Variants in ADAMTSL1 observed in about 807,000 individuals in gnomAD.
The protein encoded by ADAMTSL1 is ADAMTS like 1, also known as ADAMTS-like protein 1.
A neutral mutation model predicts 201.8 loss-of-function variants in ADAMTSL1; 126 were observed. That is an observed-to-expected ratio of 0.62 (90% CI 0.54 to 0.72). ADAMTSL1 has a LOEUF of 0.72. ADAMTSL1 is among the 30% of genes least tolerant of loss of function. The probability of loss-of-function intolerance (pLI) is 0.00; values close to 1 mark genes in which losing one functional copy is unlikely to be tolerated. For synonymous variants in ADAMTSL1, 1,121 were observed against 903.4 expected (o/e 1.24, Z -4.32); for missense variants, 2,679 against 2,277.8 (o/e 1.18, Z -3.59).
intron 1 of ADAMTSL1, among the ~76,000 whole-genome samples, chr9:17,940,477 A>G (rs954337858): frequency 8.6e-5 from 13 of 152,028 alleles, no homozygotes; most frequent in Admixed American, 5.9e-4. Context: ...TGGCAGTACA[A>G]TGTACTGAGA....
At chr9:18,289,678 G>A (rs139030187) in intron 2 of ADAMTSL1, among the ~76,000 whole-genome samples, 2 of 152,186 alleles carry the variant, frequency 1.3e-5, no homozygotes, top group African/African-American at 2.4e-5. Flanking sequence ...ATCATGTTGA[G>A]GAGGAAAGGA....
chr9:18,018,224 T>C (rs1350283444), intron 1 of ADAMTSL1, among the ~76,000 whole-genome samples: 1 of 152,124 alleles, frequency 6.6e-6, no homozygotes, highest in African/African-American at 2.4e-5. Flanking sequence ...TGATAGTACT[T>C]ATATTAATAA....
At chr9:18,008,507 G>GT (rs1475501715) in intron 1 of ADAMTSL1, among the ~76,000 whole-genome samples, 1 of 151,840 alleles carries the variant, frequency 6.6e-6, no homozygotes, top group Non-Finnish European at 1.5e-5. Context: ...TTATTCCATG[G>GT]TATCAACAAT....
intron 1 of ADAMTSL1, among the ~76,000 whole-genome samples, chr9:18,150,534 A>T (rs1036457771): frequency 2.6e-5 from 4 of 152,024 alleles, no homozygotes; most frequent in Admixed American, 6.6e-5. Flanking sequence ...TATAGTGAAG[A>T]CTTCTTTCTA....
At chr9:18,368,935 G>A (rs1836910848) in intron 2 of ADAMTSL1, among the ~76,000 whole-genome samples, 1 of 152,146 alleles carries the variant, frequency 6.6e-6, no homozygotes, top group African/African-American at 2.4e-5. Flanking sequence ...AAACTGATAT[G>A]TGTTCTTTAT....
chr9:18,285,146 T>C lies in ADAMTSL1; in HGVS notation c.207+121165T>C, dbSNP rs554852762. On this transcript the variant is annotated intron_variant, in intron 2 of 29. Coordinates refer to the ADAMTSL1 transcript ENST00000680146. ...CTAGCTAAATTGTCCTACCAAAAAA[T>C]AAATATATTCAAACTCTCAAAGGCA... is the stretch of plus-strand genomic sequence containing the variant. Among the ~76,000 whole-genome samples the C allele has an allele frequency of 1.6e-4, 25 of 152,248 alleles. No homozygotes were observed. The South Asian group carries it at 5.2e-3, about 32-fold the overall frequency.
intron 2 of ADAMTSL1, among the ~76,000 whole-genome samples, chr9:18,513,361 T>G (rs1818155285): frequency 6.6e-6 from 1 of 152,206 alleles, no homozygotes. Context: ...TTCTATGTAC[T>G]TGATTAGTCT....
intron 2 of ADAMTSL1, among the ~76,000 whole-genome samples, chr9:18,192,578 C>T: frequency 6.6e-6 from 1 of 152,130 alleles, no homozygotes; most frequent in East Asian, 1.9e-4. Flanking sequence ...CTACAGTATT[C>T]TCCAGTGTTT....
intron 8 of ADAMTSL1, 62 bp from the exon 9 acceptor site, chr9:18,661,873 A>G: frequency 1.3e-6 from 2 of 1,529,916 alleles, no homozygotes; most frequent in Non-Finnish European, 1.8e-6. Context: ...GCCAAAATGC[A>G]TAAAGAAATA....
At chr9:18,467,698 A>G (rs530174901) in intron 2 of ADAMTSL1, among the ~76,000 whole-genome samples, 1 of 152,350 alleles carries the variant, frequency 6.6e-6, no homozygotes, top group South Asian at 2.1e-4. Context: ...CCTTCCATGC[A>G]GAAGGGACAG....
chr9:18,476,788 G>A (rs915112587), intron 1 of ADAMTSL1, among the ~76,000 whole-genome samples: 2 of 151,884 alleles, frequency 1.3e-5, no homozygotes, highest in African/African-American at 4.8e-5. Context: ...TGTCTATTTT[G>A]TGGCAAGCCC....
At chr9:18,873,749 T>C (rs1231728560) in intron 23 of ADAMTSL1, among the ~76,000 whole-genome samples, 11 of 152,240 alleles carry the variant, frequency 7.2e-5, no homozygotes, top group Admixed American at 7.2e-4. Flanking sequence ...AGATTTGTTC[T>C]TTTTGCTTAG....
Position 18,087,619 on chromosome 9 carries a change from G to C in ADAMTSL1, c.88-76243G>C, listed in dbSNP as rs570008452. ...TTTAAAGTTTTCTATTAGTAGACAT[G>C]TTTGAGTATAGGATATAGAAAGTTG... On this transcript the variant is annotated intron_variant, in intron 1 of 29. Coordinates refer to the ADAMTSL1 transcript ENST00000680146. Among the ~76,000 whole-genome samples, 76 of 152,228 alleles carry C rather than the reference G, an allele frequency of 5.0e-4. 1 individual carries two copies. The South Asian group carries it at 0.015, about 30-fold the overall frequency.
At chr9:18,743,015 A>G (rs1000309444) in intron 15 of ADAMTSL1, among the ~76,000 whole-genome samples, 5 of 152,180 alleles carry the variant, frequency 3.3e-5, no homozygotes, top group African/African-American at 1.2e-4. Flanking sequence ...TTGGAGTAAA[A>G]ATAACTTTGC....
chr9:18,389,359 C>G (rs553728191), intron 2 of ADAMTSL1, among the ~76,000 whole-genome samples: 9 of 152,212 alleles, frequency 5.9e-5, no homozygotes, highest in South Asian at 2.1e-4. Flanking sequence ...CAATGTCATT[C>G]CAGTCACCAA....
intron 6 of ADAMTSL1, among the ~76,000 whole-genome samples, chr9:18,636,510 T>G (rs1827123008): frequency 2.0e-5 from 3 of 152,164 alleles, no homozygotes; most frequent in Admixed American, 6.6e-5. Context: ...CATGGTGTAA[T>G]TAAGCATCCC....
At chr9:18,738,290 A>T (rs968704501) in intron 15 of ADAMTSL1, among the ~76,000 whole-genome samples, 1 of 152,180 alleles carries the variant, frequency 6.6e-6, no homozygotes, top group African/African-American at 2.4e-5. Flanking sequence ...TGAGTATGAT[A>T]ATGCAGTTAC....
chr9:18,394,645 A>C (rs1168807003), intron 2 of ADAMTSL1, among the ~76,000 whole-genome samples: 1 of 152,080 alleles, frequency 6.6e-6, no homozygotes, highest in Non-Finnish European at 1.5e-5. Flanking sequence ...TGTAGATAAA[A>C]GAAAGTTGAT....
chr9:18,833,526 T>G (rs556835672), intron 23 of ADAMTSL1, among the ~76,000 whole-genome samples: 1 of 152,230 alleles, frequency 6.6e-6, no homozygotes, highest in Non-Finnish European at 1.5e-5. Context: ...TATGTTCACA[T>G]CTTTGCCCAC....
Sources: gnomAD v4.1 joint callset for allele counts (sites outside exome capture counted in the v4.1 genomes callset) on GRCh38, gnomAD v4.1.1 for gene constraint, MANE v1.5 for transcripts, NCBI Gene and HGNC (gene_info 2026-07-23, HGNC 2026-07-21) for gene names.